DCP2: variants seen among roughly 807,000 people sequenced by gnomAD.
DCP2 encodes the protein m7GpppN-mRNA hydrolase.
DCP2 carries 30 observed loss-of-function variants against 56.1 expected under a neutral mutation model. That is an observed-to-expected ratio of 0.53 (90% CI 0.40 to 0.73). The LOEUF (loss-of-function observed/expected upper bound fraction) is 0.73, where lower values mean the gene tolerates loss of function less well. DCP2 is among the 30% of genes least tolerant of loss of function. The probability of loss-of-function intolerance (pLI) is 0.00; values close to 1 mark genes in which losing one functional copy is unlikely to be tolerated. For synonymous variants in DCP2, 197 were observed against 163.3 expected, an observed-to-expected ratio of 1.21 and a Z score of -1.57; for missense variants, 533 against 502.7, an observed-to-expected ratio of 1.06 and a Z score of -0.58.
At chr5:112,999,626 C>A (rs1451069072) in intron 4 of DCP2, among the ~76,000 whole-genome samples, 2 of 138,036 alleles carry the variant, frequency 1.4e-5, no homozygotes, top group Non-Finnish European at 3.2e-5. Context: ...CGCACCCAGC[C>A]TTTTTTTTTT....
rs188418353 is a variant in DCP2, at chr5:112,980,852, T to C, written c.53+3866T>C. Among the ~76,000 whole-genome samples the C allele has an allele frequency of 3.3e-3, 500 of 152,294 alleles. 2 individuals carry two copies. Among genetic ancestry groups the C allele is most frequent in the Non-Finnish European group, 4.6e-3 (314 of 68,024 alleles). On this transcript the variant is annotated intron_variant, in intron 1 of 10. Coordinates refer to ENST00000389063, the MANE Select transcript of DCP2 (RefSeq NM_152624.6). ...GGTGGATACCTCATATTTTAAAATA[T>C]ACTTGTGCCAGTTTCTTGTTTTATC...
At chr5:112,999,559 C>T (rs1749033568) in intron 4 of DCP2, among the ~76,000 whole-genome samples, 2 of 151,414 alleles carry the variant, frequency 1.3e-5, no homozygotes, top group African/African-American at 2.4e-5. Context: ...AACTCCTGAC[C>T]TGGTGATTAG....
chr5:112,998,615 C>T (rs796330125), intron 4 of DCP2, among the ~76,000 whole-genome samples: 8 of 152,286 alleles, frequency 5.3e-5, no homozygotes, highest in African/African-American at 1.4e-4. Flanking sequence ...AAGAACTAAA[C>T]ATAGCTACGT....
chr5:112,986,870 G>A (rs1285967673), intron 2 of DCP2, among the ~76,000 whole-genome samples: 1 of 152,114 alleles, frequency 6.6e-6, no homozygotes, highest in Non-Finnish European at 1.5e-5. Flanking sequence ...GGGCATGGTG[G>A]CACTCACCTA....
intron 10 of DCP2, 40 bp downstream of exon 10, chr5:113,010,847 G>A (rs1381331136): frequency 1.3e-6 from 2 of 1,575,712 alleles, no homozygotes; most frequent in East Asian, 2.3e-5. Flanking sequence ...CTGCCTTGTG[G>A]GATTTGGTTT....
chr5:113,002,783 A>G (rs971673240), intron 7 of DCP2, among the ~76,000 whole-genome samples: 2 of 152,178 alleles, frequency 1.3e-5, no homozygotes, highest in East Asian at 1.9e-4. Context: ...TCAGCTTCCC[A>G]AAGTTTTGAG....
At chr5:113,007,346 G>T (rs546084384) in intron 8 of DCP2, among the ~76,000 whole-genome samples, 1 of 151,532 alleles carries the variant, frequency 6.6e-6, no homozygotes, top group South Asian at 2.1e-4. Context: ...TCTATAAGCA[G>T]ACATGGGATA....
At chr5:112,979,868 T>A (rs943892215) in intron 1 of DCP2, among the ~76,000 whole-genome samples, 5 of 152,198 alleles carry the variant, frequency 3.3e-5, no homozygotes, top group African/African-American at 1.2e-4. Flanking sequence ...AGTCCCTTGG[T>A]GCCTTTTGTG....
chr5:113,006,145 A>T (rs1005591753), intron 8 of DCP2, among the ~76,000 whole-genome samples: 3 of 151,658 alleles, frequency 2.0e-5, no homozygotes, highest in Non-Finnish European at 2.9e-5. Flanking sequence ...AAAAATTTCG[A>T]AGCATGCTAC....
intron 8 of DCP2, among the ~76,000 whole-genome samples, chr5:113,005,653 T>C (rs1158405129): frequency 2.0e-5 from 3 of 152,200 alleles, no homozygotes; most frequent in East Asian, 3.8e-4. Context: ...CATTCCTAGG[T>C]AATATCCAAA....
rs1750030416 is a variant in DCP2 at position 113,019,781 on chromosome 5, C to T, written c.*6297C>T. ...GGTAATTATTGACTTATCCTAGATC[C>T]ATGTACAATTCAGACTTTTATCTGT... On this transcript the variant is annotated 3_prime_UTR_variant, in exon 11 of 11. Transcript: ENST00000389063. The T allele has an allele frequency of 6.6e-6, 1 of 152,106 alleles. No individual in the cohort carries two copies. Among genetic ancestry groups the T allele is most frequent in the African/African-American group, 2.4e-5 (1 of 41,424 alleles). The allele number at this position is 152,106 out of a possible 1,614,324, so 9.4% of individuals were successfully genotyped here.
chr5:113,020,067 A>G lies in DCP2; in HGVS notation c.*6583A>G, dbSNP rs958368287. The G allele has an allele frequency of 2.0e-5, 3 of 152,196 alleles. No individual in the cohort carries two copies. The highest frequency in any genetic ancestry group is 7.2e-5 in the African/African-American group (3 of 41,458). The allele number at this position is 152,196 out of a possible 1,614,324, so 9.4% of individuals were successfully genotyped here. Reference sequence around the variant, plus strand: ...ATGGAGGATACATAGTCTTAAAACAATTTGTTTGGGAGTAAGTTTTAGTCG... The same window carrying G: ...ATGGAGGATACATAGTCTTAAAACAGTTTGTTTGGGAGTAAGTTTTAGTCG... On this transcript the variant is annotated 3_prime_UTR_variant, in exon 11 of 11. Coordinates refer to ENST00000389063, the MANE Select transcript of DCP2 (RefSeq NM_152624.6).
intron 1 of DCP2, among the ~76,000 whole-genome samples, chr5:112,981,252 C>T (rs1045428293): frequency 6.6e-6 from 1 of 152,082 alleles, no homozygotes; most frequent in Non-Finnish European, 1.5e-5. Flanking sequence ...TCAAGCAATC[C>T]TCCTGCCTCA....
At chr5:112,985,251 T>C (rs1398001310) in intron 1 of DCP2, among the ~76,000 whole-genome samples, 2 of 152,124 alleles carry the variant, frequency 1.3e-5, no homozygotes. Context: ...TTAATATAAA[T>C]GTATATTTAT....
intron 4 of DCP2, among the ~76,000 whole-genome samples, chr5:112,997,384 G>A (rs1748910555): frequency 6.6e-6 from 1 of 152,148 alleles, no homozygotes; most frequent in African/African-American, 2.4e-5. Context: ...GTTCACTTGT[G>A]GTTTCAAGAT....
intron 9 of DCP2, among the ~76,000 whole-genome samples, chr5:113,008,560 G>T (rs746395844): frequency 6.6e-6 from 1 of 152,086 alleles, no homozygotes; most frequent in Non-Finnish European, 1.5e-5. Context: ...TATCTTTTCT[G>T]TAAGTTCTGA....
Position 112,985,690 on chromosome 5 carries a change from T to C in DCP2, c.54-145T>C. The C allele has an allele frequency of 3.8e-6, 3 of 781,022 alleles. No individual in the cohort carries two copies. In the South Asian group the frequency reaches 7.2e-5, roughly 19 times the overall value. 48.4% of individuals were successfully genotyped at this position (781,022 alleles called of 1,614,324 possible). ...AGACTCATCTTCCCTATAGTATTTCTCTCAAATATTAATTGCTTCCTTGAA... is the reference window on the plus strand; with the variant it reads ...AGACTCATCTTCCCTATAGTATTTCCCTCAAATATTAATTGCTTCCTTGAA... On this transcript the variant is annotated intron_variant, in intron 1 of 10. Coordinates refer to ENST00000389063, the MANE Select transcript of DCP2 (RefSeq NM_152624.6).
In DCP2 at chr5:113,021,440, A is replaced by G. The variant is rs186126602; in HGVS notation, c.*7956A>G. Reference sequence around the variant, plus strand: ...GAAATATTGTCGAGAGTCTCTGCAAAAATGAAAATACCTCAAACAATTAAG... The same window carrying G: ...GAAATATTGTCGAGAGTCTCTGCAAGAATGAAAATACCTCAAACAATTAAG... On this transcript the variant is annotated 3_prime_UTR_variant, in exon 11 of 11. Coordinates refer to ENST00000389063, the MANE Select transcript of DCP2 (RefSeq NM_152624.6). 1.7e-4 allele frequency among the ~76,000 whole-genome samples: 26 copies of G among 151,870 alleles called. No individual in the cohort carries two copies. Among genetic ancestry groups the G allele is most frequent in the African/African-American group, 6.0e-4 (25 of 41,360 alleles).
rs187283214 is a variant in DCP2, at chr5:112,999,031, T to G, written c.433-2053T>G. Among the ~76,000 whole-genome samples, 70 of 152,354 alleles carry G rather than the reference T, an allele frequency of 4.6e-4. No individual in the cohort carries two copies. The East Asian group carries it at 0.011, about 23-fold the overall frequency. On this transcript the variant is annotated intron_variant, in intron 4 of 10. Coordinates refer to ENST00000389063, the MANE Select transcript of DCP2 (RefSeq NM_152624.6). The stretch of plus-strand genomic sequence containing the variant: ...CTTACTTGCTGCATTTGCATTTAAT[T>G]GACACGTCTCTTCAGTCTCCTTTAA...
Sources: gnomAD v4.1 joint callset for allele counts (sites outside exome capture counted in the v4.1 genomes callset) on GRCh38, gnomAD v4.1.1 for gene constraint, MANE v1.5 for transcripts, NCBI Gene and HGNC (gene_info 2026-07-23, HGNC 2026-07-21) for gene names.